FAM107A: variants seen among roughly 807,000 people sequenced by gnomAD.
FAM107A encodes family with sequence similarity 107 member A, also known as actin-associated protein FAM107A.
A neutral mutation model predicts 13.7 loss-of-function variants in FAM107A; 19 were observed. The ratio of observed to expected loss-of-function variants is 1.38; its 90% CI spans 0.97 to 2.03. The LOEUF (loss-of-function observed/expected upper bound fraction) is 2.03. Ranked by LOEUF, FAM107A falls within the 30% of genes most tolerant of loss-of-function variation. The pLI is 0.00. For missense variants in FAM107A, 203 were observed against 184.4 expected (o/e 1.10, Z -0.58); for synonymous variants, 82 against 74.5 (o/e 1.10, Z -0.52).
intron 1 of FAM107A, among the ~76,000 whole-genome samples, chr3:58,626,640 C>T (rs756957478): frequency 6.6e-6 from 1 of 152,176 alleles, no homozygotes; most frequent in South Asian, 2.1e-4. Context: ...TCCCCTGTAT[C>T]CACCTGCATC....
In FAM107A at chr3:58,567,204, C is replaced by G; in HGVS notation, c.327+4G>C. ...GTGGTCCCTGCTGGGTGCCCATCAC[C>G]CACCTGGTTCAGCCTCTGCTGCCGT... On this transcript the variant is annotated splice_donor_region_variant and intron_variant, in intron 3 of 3. Coordinates refer to ENST00000360997, the MANE Select transcript of FAM107A (RefSeq NM_001076778.3). 6.2e-7 allele frequency: 1 copy of G among 1,614,184 alleles called. No individual in the cohort carries two copies. The highest frequency in any genetic ancestry group is 8.5e-7 in the Non-Finnish European group (1 of 1,180,022).
chr3:58,583,932 A>C (rs1046039237), intron 1 of FAM107A, among the ~76,000 whole-genome samples: 3 of 152,148 alleles, frequency 2.0e-5, no homozygotes, highest in African/African-American at 7.2e-5. Context: ...TGAGTCACCC[A>C]GTGTTATATT....
At chr3:58,567,878 G>T (rs1004131540) in intron 2 of FAM107A, among the ~76,000 whole-genome samples, 6 of 152,058 alleles carry the variant, frequency 3.9e-5, no homozygotes, top group African/African-American at 1.4e-4. Flanking sequence ...TAGTCACATG[G>T]AACAACATTT....
In FAM107A at chr3:58,577,187, C is replaced by T; in HGVS notation, c.-6+122G>A. On this transcript the variant is annotated intron_variant, in intron 1 of 3. Coordinates refer to ENST00000360997, the MANE Select transcript of FAM107A (RefSeq NM_001076778.3). This position sits in a 1 kb window ranked among gnomAD's most constrained non-coding sequence, Gnocchi z 4.9. Reference sequence around the variant, plus strand: ...GGGACATAGCCCGGGTACCTAAACTCAAAGCACTCAGGTCCACTGACAGCC... The same window carrying T: ...GGGACATAGCCCGGGTACCTAAACTTAAAGCACTCAGGTCCACTGACAGCC... 1 of 299,468 alleles carries T rather than the reference C, an allele frequency of 3.3e-6. No individual in the cohort carries two copies. The highest frequency in any genetic ancestry group is 4.9e-6 in the Non-Finnish European group (1 of 202,686). 18.6% of individuals were successfully genotyped at this position (299,468 alleles called of 1,614,324 possible).
chr3:58,585,365 C>G (rs2065594200), intron 1 of FAM107A, among the ~76,000 whole-genome samples: 1 of 152,246 alleles, frequency 6.6e-6, no homozygotes, highest in South Asian at 2.1e-4. Flanking sequence ...GCCTGTCCCG[C>G]CTCAGCAAGA....
chr3:58,581,586 C>G (rs895502130), upstream of FAM107A, among the ~76,000 whole-genome samples: 1 of 151,980 alleles, frequency 6.6e-6, no homozygotes, highest in African/African-American at 2.4e-5. Flanking sequence ...CAAAACAGCC[C>G]TAGGATTAAA....
upstream of FAM107A, chr3:58,587,119 G>C (rs572180171): frequency 1.5e-6 from 2 of 1,371,362 alleles, no homozygotes; most frequent in South Asian, 1.7e-5. Context: ...GGGAAGGAGG[G>C]GGGCAGGGGC....
chr3:58,564,414 C>G lies in FAM107A; in HGVS notation c.*2174G>C, dbSNP rs2063600241. ...CACCTGATCACATAGCCATCCTAAG[C>G]TGCAAAGGAGACTGGAACAGTGAAA... On this transcript the variant is annotated 3_prime_UTR_variant, in exon 4 of 4. Transcript: ENST00000360997. This position sits in a 1 kb window ranked among gnomAD's most constrained non-coding sequence, Gnocchi z 5.6. 6.6e-6 allele frequency: 1 copy of G among 152,266 alleles called. No individual in the cohort carries two copies. Among genetic ancestry groups the G allele is most frequent in the African/African-American group, 2.4e-5 (1 of 41,474 alleles). 9.4% of individuals were successfully genotyped at this position (152,266 alleles called of 1,614,324 possible). A position where few individuals can be genotyped will look rare whatever the true frequency, so the allele number is the denominator to read the frequency against.
intron 1 of FAM107A, among the ~76,000 whole-genome samples, chr3:58,596,976 TA>T (rs2065712638): frequency 6.6e-6 from 1 of 152,218 alleles, no homozygotes. Flanking sequence ...CTGGCTTTTT[TA>T]CTCAGCCGTG....
At chr3:58,606,160 A>G (rs1287209815) in intron 1 of FAM107A, among the ~76,000 whole-genome samples, 2 of 152,130 alleles carry the variant, frequency 1.3e-5, no homozygotes, top group Admixed American at 6.6e-5. Context: ...CAGTGGTACA[A>G]TCTCGGCTCA....
intron 1 of FAM107A, chr3:58,570,309 T>C: frequency 4.6e-6 from 4 of 862,250 alleles, no homozygotes; most frequent in Non-Finnish European, 4.2e-6. Flanking sequence ...AATGCAGTGA[T>C]AAAAAGAAAG....
Position 58,565,435 on chromosome 3 carries a change from A to AAT in FAM107A, c.*1152_*1153insAT, listed in dbSNP as rs1271544405. 7 of 82,366 alleles carry AAT rather than the reference A, an allele frequency of 8.5e-5. No individual in the cohort carries two copies. The highest frequency in any genetic ancestry group is 8.8e-5 in the Non-Finnish European group (4 of 45,294). The allele number at this position is 82,366 out of a possible 1,614,324, so 5.1% of individuals were successfully genotyped here. A position where few individuals can be genotyped will look rare whatever the true frequency, so the allele number is the denominator to read the frequency against. ...GACTAGGAAAAAGTAAAAAAAAAAA[A>AAT]TTTTTTTTTTTTTTTTTTTTTTTTT... On this transcript the variant is annotated 3_prime_UTR_variant, in exon 4 of 4. Transcript: ENST00000360997.
At chr3:58,619,260 C>T (rs2065931481) in intron 1 of FAM107A, among the ~76,000 whole-genome samples, 2 of 152,202 alleles carry the variant, frequency 1.3e-5, no homozygotes, top group South Asian at 4.1e-4. Context: ...CTTGGCCTCC[C>T]AAACTGTTGG....
At chr3:58,605,842 G>A (rs2065789921) in intron 1 of FAM107A, among the ~76,000 whole-genome samples, 1 of 152,230 alleles carries the variant, frequency 6.6e-6, no homozygotes, top group Non-Finnish European at 1.5e-5. Context: ...AGGCACAGTA[G>A]TAGACCCAAG....
At chr3:58,570,593 G>GAA (rs2063672385) in intron 1 of FAM107A, among the ~76,000 whole-genome samples, 1 of 38,274 alleles carries the variant, frequency 2.6e-5, no homozygotes, top group South Asian at 1.3e-3. Flanking sequence ...CAGAGAGAGA[G>GAA]AGAGAGAGAG....
rs2065869211 is a variant in FAM107A, at chr3:58,613,046, G to C, written c.-70+14370C>G. ...CGTTACCTCCTCCAATGGGGCTTCA[G>C]TCACCACCTCTCTGGAAGGTGATGA... On this transcript the variant is annotated intron_variant, in intron 1 of 3. Coordinates refer to the FAM107A transcript ENST00000465970. This position sits in a 1 kb window ranked among gnomAD's most constrained non-coding sequence, Gnocchi z 4.6. 6.6e-6 allele frequency among the ~76,000 whole-genome samples: 1 copy of C among 152,210 alleles called. No individual in the cohort carries two copies. The highest frequency in any genetic ancestry group is 6.5e-5 in the Admixed American group (1 of 15,284).
chr3:58,569,016 A>C lies in FAM107A; in HGVS notation c.170+675T>G, dbSNP rs2063653210. On this transcript the variant is annotated intron_variant, in intron 2 of 3. Coordinates refer to ENST00000360997, the MANE Select transcript of FAM107A (RefSeq NM_001076778.3). This position sits in a 1 kb window ranked among gnomAD's most constrained non-coding sequence, Gnocchi z 5.7. ...CCACTTTGGTATTGTGAGCTCCCCC[A>C]TCCCACCTCACCAGACGGGCCCACC... Among the ~76,000 whole-genome samples the C allele has an allele frequency of 6.6e-6, 1 of 152,006 alleles. No homozygotes were observed. Among genetic ancestry groups the C allele is most frequent in the Non-Finnish European group, 1.5e-5 (1 of 68,006 alleles).
At chr3:58,608,865 G>C (rs913994312) in intron 1 of FAM107A, 1 of 152,272 alleles carries the variant, frequency 6.6e-6, no homozygotes, top group Non-Finnish European at 1.5e-5. Flanking sequence ...GGTTATTCAA[G>C]TAGAAAATTA....
At chr3:58,591,732 T>G (rs1376934043), upstream of FAM107A, among the ~76,000 whole-genome samples, 1 of 152,198 alleles carries the variant, frequency 6.6e-6, no homozygotes, top group Non-Finnish European at 1.5e-5. The surrounding 1 kb of genome is among the most constrained non-coding windows in gnomAD (Gnocchi z 4.3). Flanking sequence ...ATGTTAATAC[T>G]TCCCACCTAA....
Sources: allele counts gnomAD v4.1 joint callset (sites outside exome capture counted in the v4.1 genomes callset), GRCh38; gene constraint gnomAD v4.1.1; non-coding constraint Gnocchi (gnomAD v3.1); transcripts MANE v1.5; gene names NCBI Gene and HGNC (gene_info 2026-07-23, HGNC 2026-07-21).